Variants in HSPA12A observed in about 807,000 individuals in gnomAD.
The protein encoded by HSPA12A is heat shock 70 kDa protein 12A.
A neutral mutation model predicts 69.2 loss-of-function variants in HSPA12A; 28 were observed. The observed-to-expected ratio is 0.40, with a 90% CI of 0.30 to 0.55. The LOEUF is 0.55. Among genes scored for constraint, HSPA12A ranks in the 20% least tolerant of loss-of-function variants. The pLI is 0.38. For synonymous variants in HSPA12A, 345 were observed against 370.5 expected, an observed-to-expected ratio of 0.93 and a Z score of 0.79; for missense variants, 686 against 900.7, an observed-to-expected ratio of 0.76 and a Z score of 3.05.
At chr10:116,741,906 C>T (rs1851520600) in intron 1 of HSPA12A, among the ~76,000 whole-genome samples, 1 of 152,228 alleles carries the variant, frequency 6.6e-6, no homozygotes, top group Non-Finnish European at 1.5e-5. Flanking sequence ...CCACTCCTGG[C>T]TCGAGCGTCC....
intron 2 of HSPA12A, among the ~76,000 whole-genome samples, chr10:116,759,316 A>G (rs1554889085): frequency 6.6e-6 from 1 of 152,166 alleles, no homozygotes; most frequent in African/African-American, 2.4e-5. Flanking sequence ...GGTCAGCAAA[A>G]TGGCAGCTGC....
At chr10:116,848,561 T>G (rs1035650160) in intron 1 of HSPA12A, among the ~76,000 whole-genome samples, 2 of 152,002 alleles carry the variant, frequency 1.3e-5, no homozygotes, top group Non-Finnish European at 2.9e-5. Context: ...CAGGCGTGAG[T>G]GGAACAAGAA....
intron 1 of HSPA12A, among the ~76,000 whole-genome samples, chr10:116,741,675 G>A (rs782004239): frequency 2.0e-5 from 3 of 151,876 alleles, no homozygotes; most frequent in African/African-American, 4.8e-5. Flanking sequence ...CGTCCTCTCC[G>A]GCTCCCCCAC....
At chr10:116,838,641 A>T (rs1268581104) in intron 1 of HSPA12A, among the ~76,000 whole-genome samples, 1 of 152,258 alleles carries the variant, frequency 6.6e-6, no homozygotes, top group African/African-American at 2.4e-5. Flanking sequence ...GGATCTCCAT[A>T]GCACATTTTA....
intron 1 of HSPA12A, chr10:116,708,222 C>A (rs1416933436): frequency 6.6e-6 from 1 of 152,192 alleles, no homozygotes; most frequent in African/African-American, 2.4e-5. Context: ...CTGCGTGCTC[C>A]CACCGCAGAG....
chr10:116,727,633 C>G (rs1851011867), intron 1 of HSPA12A, among the ~76,000 whole-genome samples: 1 of 152,008 alleles, frequency 6.6e-6, no homozygotes, highest in Non-Finnish European at 1.5e-5. Context: ...TTTGAGTAGC[C>G]AAACAACCAT....
chr10:116,842,058 G>A (rs1274906357), intron 1 of HSPA12A, among the ~76,000 whole-genome samples: 1 of 152,188 alleles, frequency 6.6e-6, no homozygotes, highest in Admixed American at 6.5e-5. Flanking sequence ...GGCAGAGGCA[G>A]TCTTTTGATT....
chr10:116,704,766 CTG>C (rs1468620300), intron 3 of HSPA12A, among the ~76,000 whole-genome samples: 2 of 152,170 alleles, frequency 1.3e-5, no homozygotes, highest in Non-Finnish European at 2.9e-5. Context: ...GATGAGGAAA[CTG>C]GGGTTTAGCA....
intron 2 of HSPA12A, among the ~76,000 whole-genome samples, chr10:116,764,121 A>G (rs931814773): frequency 3.9e-5 from 6 of 152,180 alleles, no homozygotes; most frequent in Non-Finnish European, 7.3e-5. Flanking sequence ...TACAGCTCCC[A>G]AGGCAGTGGT....
At chr10:116,849,778 C>T (rs540321086), upstream of HSPA12A, 862 of 1,464,944 alleles carry the variant, frequency 5.9e-4, 11 homozygotes, top group Admixed American at 0.017. Context: ...CCCTCTCCCC[C>T]CGCCCCGCGC....
intron 1 of HSPA12A, among the ~76,000 whole-genome samples, chr10:116,709,072 A>G (rs1422754467): frequency 2.0e-5 from 3 of 152,204 alleles, no homozygotes; most frequent in Admixed American, 2.0e-4. Flanking sequence ...CAGGGACTCA[A>G]GGAGATACTT....
intron 2 of HSPA12A, among the ~76,000 whole-genome samples, chr10:116,747,713 T>C (rs1426642713): frequency 1.3e-5 from 2 of 152,152 alleles, no homozygotes; most frequent in Admixed American, 6.6e-5. Flanking sequence ...AAATAAATAA[T>C]GGAGGCTGGG....
At chr10:116,835,194 T>C (rs980710102) in intron 1 of HSPA12A, 17 of 329,026 alleles carry the variant, frequency 5.2e-5, no homozygotes, top group African/African-American at 3.4e-4. Context: ...GCCTGTACAC[T>C]TACCACCTAC....
intron 2 of HSPA12A, among the ~76,000 whole-genome samples, chr10:116,788,764 T>C (rs1844634736): frequency 6.6e-6 from 1 of 152,074 alleles, no homozygotes; most frequent in Non-Finnish European, 1.5e-5. Flanking sequence ...CGTGTGAAAA[T>C]ATACCCACAG....
At chr10:116,790,134 C>T (rs1273175511) in intron 2 of HSPA12A, among the ~76,000 whole-genome samples, 1 of 120,792 alleles carries the variant, frequency 8.3e-6, no homozygotes, top group Non-Finnish European at 1.6e-5. Flanking sequence ...CAGAGTCTCG[C>T]TCTGTCGCCC....
chr10:116,712,867 G>C lies in HSPA12A; in HGVS notation c.41-5582C>G, dbSNP rs141358381. 2.3e-3 allele frequency among the ~76,000 whole-genome samples: 348 copies of C among 151,130 alleles called. 1 individual carries two copies. The highest frequency in any genetic ancestry group is 6.9e-3 in the Admixed American group (104 of 15,174). On this transcript the variant is annotated intron_variant, in intron 1 of 11. Transcript: ENST00000369209. ...TGGTCTCAACAATAGTGACATTCTA[G>C]TTTCTCTAAACAGTCCTTCTTGTTA...
intron 1 of HSPA12A, among the ~76,000 whole-genome samples, chr10:116,742,011 G>A (rs1851523688): frequency 6.6e-6 from 1 of 152,130 alleles, no homozygotes; most frequent in African/African-American, 2.4e-5. Flanking sequence ...ATTACCCGCT[G>A]GGGCCACCCG....
At chr10:116,815,837 G>A (rs1438051114) in intron 2 of HSPA12A, among the ~76,000 whole-genome samples, 1 of 152,166 alleles carries the variant, frequency 6.6e-6, no homozygotes, top group Admixed American at 6.5e-5. Context: ...TGTTGGAAGG[G>A]CTGTATTCCC....
At chr10:116,842,070 T>C (rs1382984787) in intron 1 of HSPA12A, among the ~76,000 whole-genome samples, 1 of 152,238 alleles carries the variant, frequency 6.6e-6, no homozygotes, top group Middle Eastern at 3.2e-3. Context: ...CTTTTGATTT[T>C]GCTAATAACA....
Sources: gnomAD v4.1 joint callset for allele counts (sites outside exome capture counted in the v4.1 genomes callset) on GRCh38, gnomAD v4.1.1 for gene constraint, MANE v1.5 for transcripts, NCBI Gene and HGNC (gene_info 2026-07-23, HGNC 2026-07-21) for gene names.